Variants in SQOR observed in about 807,000 individuals in gnomAD.
SQOR encodes sulfide quinone oxidoreductase, also known as sulfide:quinone oxidoreductase, mitochondrial.
In SQOR, 39 loss-of-function variants were observed where a neutral mutation model predicts 48.6. The observed-to-expected ratio is 0.80, with a 90% CI of 0.62 to 1.05. The LOEUF is 1.05. SQOR is among the 50% of genes least tolerant of loss of function. The pLI is 0.00. For synonymous variants in SQOR, 220 were observed against 206.2 expected (o/e 1.07, Z -0.57); for missense variants, 561 against 559.9 (o/e 1.00, Z -0.02).
chr15:45,640,536 G>A (rs1413002463), intron 1 of SQOR, among the ~76,000 whole-genome samples: 2 of 152,140 alleles, frequency 1.3e-5, no homozygotes, highest in Non-Finnish European at 2.9e-5. Flanking sequence ...AACTATTAAA[G>A]GATTGAGTTT....
intron 1 of SQOR, among the ~76,000 whole-genome samples, chr15:45,649,892 A>G (rs1382912918): frequency 6.6e-6 from 1 of 151,434 alleles, no homozygotes; most frequent in Admixed American, 6.6e-5. Flanking sequence ...TCTTCCTGTC[A>G]CCCAGGCTGG....
At chr15:45,673,475 C>A in intron 4 of SQOR, 132 bp from the exon 5 acceptor site, 2 of 984,958 alleles carry the variant, frequency 2.0e-6, no homozygotes, top group Non-Finnish European at 3.0e-6. Flanking sequence ...CACCTGCCTG[C>A]TCTAGGCATG....
chr15:45,673,270 T>C (rs1889974913), intron 4 of SQOR, among the ~76,000 whole-genome samples: 1 of 152,218 alleles, frequency 6.6e-6, no homozygotes, highest in African/African-American at 2.4e-5. Context: ...CTGCCAGTTG[T>C]TCTTTCCAGT....
rs187931678 is a variant in SQOR, at chr15:45,663,733, C to G, written c.405+1608C>G. Among the ~76,000 whole-genome samples, 17 of 152,068 alleles carry G rather than the reference C, an allele frequency of 1.1e-4. 1 individual carries two copies. Among genetic ancestry groups the G allele is most frequent in the Admixed American group, 1.0e-3 (16 of 15,258 alleles). ...GGTGAGCTGTGATTGCGCCACTGCA[C>G]TCCGTCTTAGGTGACAGAGCTGTCT... On this transcript the variant is annotated intron_variant, in intron 3 of 9. Transcript: ENST00000260324.
At position 45,661,840 on chromosome 15, in the gene SQOR, C is replaced by T. The variant is rs372162712; in HGVS notation, c.235-115C>T. 1.4e-4 allele frequency: 151 copies of T among 1,100,766 alleles called. 2 individuals carry two copies. In the African/African-American group the frequency reaches 1.6e-3, roughly 12 times the overall value. 68.2% of individuals were successfully genotyped at this position (1,100,766 alleles called of 1,614,324 possible). ...CTAACTTTGTGGAGACTTTTCCATA[C>T]GATGCTCTAAAGGTCAGGAGGGAGT... On this transcript the variant is annotated intron_variant, in intron 2 of 9. Coordinates refer to ENST00000260324, the MANE Select transcript of SQOR (RefSeq NM_021199.4).
intron 1 of SQOR, among the ~76,000 whole-genome samples, chr15:45,645,174 C>T (rs532298988): frequency 2.0e-5 from 3 of 152,292 alleles, no homozygotes; most frequent in South Asian, 4.1e-4. Flanking sequence ...TTACTGGACA[C>T]GTTACTTGCA....
At chr15:45,653,555 G>T (rs1889536848) in intron 1 of SQOR, among the ~76,000 whole-genome samples, 1 of 152,178 alleles carries the variant, frequency 6.6e-6, no homozygotes, top group African/African-American at 2.4e-5. Context: ...CTCTTGTCTT[G>T]TTATAGAGCT....
At chr15:45,684,489 A>G (rs758462427) in intron 7 of SQOR, among the ~76,000 whole-genome samples, 1 of 152,174 alleles carries the variant, frequency 6.6e-6, no homozygotes, top group Non-Finnish European at 1.5e-5. Flanking sequence ...AAAAATCTCC[A>G]TACCTGAGTC....
chr15:45,652,241 C>T (rs987733980), intron 1 of SQOR, among the ~76,000 whole-genome samples: 1 of 152,268 alleles, frequency 6.6e-6, no homozygotes, highest in Non-Finnish European at 1.5e-5. Flanking sequence ...ACTAAGAAAT[C>T]ATATCAGATT....
intron 3 of SQOR, among the ~76,000 whole-genome samples, chr15:45,669,702 T>A (rs1172417323): frequency 6.6e-6 from 1 of 152,154 alleles, no homozygotes; most frequent in Non-Finnish European, 1.5e-5. Flanking sequence ...CATCCCTCCC[T>A]GCCAGTCTGC....
At chr15:45,652,385 A>C (rs917254082) in intron 1 of SQOR, among the ~76,000 whole-genome samples, 5 of 152,002 alleles carry the variant, frequency 3.3e-5, no homozygotes, top group Admixed American at 3.3e-4. Flanking sequence ...CCCAGGCTGG[A>C]GTGCAGGGGT....
chr15:45,682,048 T>G (rs76670233), intron 6 of SQOR, among the ~76,000 whole-genome samples: 2 of 152,212 alleles, frequency 1.3e-5, no homozygotes, highest in African/African-American at 4.8e-5. Flanking sequence ...GTTTAAGGGA[T>G]GCTGAGCATC....
At chr15:45,685,464 TTTAA>T (rs1890206492) in intron 7 of SQOR, among the ~76,000 whole-genome samples, 1 of 152,212 alleles carries the variant, frequency 6.6e-6, no homozygotes, top group South Asian at 2.1e-4. Context: ...AGGATGCTCC[TTTAA>T]TTACTCCCAG....
intron 1 of SQOR, among the ~76,000 whole-genome samples, chr15:45,635,981 G>C (rs1345539895): frequency 6.6e-6 from 1 of 151,986 alleles, no homozygotes; most frequent in Non-Finnish European, 1.5e-5. Context: ...GATTACAGGC[G>C]CAGCACACCT....
chr15:45,650,361 C>G (rs1049363046), intron 1 of SQOR, among the ~76,000 whole-genome samples: 1 of 152,148 alleles, frequency 6.6e-6, no homozygotes. Context: ...GGAGTTTGTT[C>G]CTTCTAACGT....
chr15:45,688,435 AATG>A (rs1238339482), intron 8 of SQOR, 31 bp downstream of exon 8: 1 of 1,468,908 alleles, frequency 6.8e-7, no homozygotes, highest in Non-Finnish European at 9.4e-7. Context: ...TCACTGTCTC[AATG>A]ATCATCTTCC....
At chr15:45,664,754 G>GA in intron 3 of SQOR, among the ~76,000 whole-genome samples, 1 of 151,982 alleles carries the variant, frequency 6.6e-6, no homozygotes, top group South Asian at 2.1e-4. Context: ...CCCCCATCCT[G>GA]AAAAAGTATA....
At chr15:45,672,327 T>C (rs1889959299) in intron 4 of SQOR, among the ~76,000 whole-genome samples, 3 of 152,244 alleles carry the variant, frequency 2.0e-5, no homozygotes, top group Admixed American at 1.3e-4. Flanking sequence ...ATTGTTAGCA[T>C]TGATGTGAAA....
chr15:45,690,889 C>T, intron 9 of SQOR, 84 bp from the exon 10 acceptor site: 1 of 1,184,028 alleles, frequency 8.4e-7, no homozygotes. Flanking sequence ...TGTGAGCAGC[C>T]TGGCTTCCCT....
Sources: gnomAD v4.1 joint callset for allele counts (sites outside exome capture counted in the v4.1 genomes callset) on GRCh38, gnomAD v4.1.1 for gene constraint, MANE v1.5 for transcripts, NCBI Gene and HGNC (gene_info 2026-07-23, HGNC 2026-07-21) for gene names.